TTLL13: variants seen among roughly 807,000 people sequenced by gnomAD.
TTLL13 encodes the protein tubulin tyrosine ligase like 13, also known as tubulin polyglutamylase TTLL13.
chr15:90,257,723 G>A, the TTLL13 span: 1 of 1,613,768 alleles, frequency 6.2e-7, no homozygotes, highest in Non-Finnish European at 8.5e-7. Context: ...GCAGTAAGAG[G>A]TACTCCCTAC....
the TTLL13 span, chr15:90,250,722 A>G: frequency 6.2e-7 from 1 of 1,614,052 alleles, no homozygotes; most frequent in Non-Finnish European, 8.5e-7. Context: ...GGAGTTACCA[A>G]CCCCTCTAAC....
the TTLL13 span, chr15:90,250,954 A>G: frequency 1.3e-6 from 2 of 1,554,240 alleles, no homozygotes; most frequent in Non-Finnish European, 1.7e-6. Flanking sequence ...TCCCTTCAAC[A>G]TCTGGAGGAG....
the TTLL13 span, chr15:90,262,190 A>G: frequency 1.3e-6 from 2 of 1,529,772 alleles, no homozygotes; most frequent in Non-Finnish European, 1.7e-6. Flanking sequence ...GGAGTGTGCC[A>G]GGTACTTTGA....
chr15:90,264,848 T>G, the TTLL13 span: 1 of 1,536,036 alleles, frequency 6.5e-7, no homozygotes, highest in Non-Finnish European at 8.7e-7. Flanking sequence ...ATGGACTGAA[T>G]GCACCTTGCC....
At chr15:90,257,278 C>A in the TTLL13 span, 1 of 1,611,102 alleles carries the variant, frequency 6.2e-7, no homozygotes, top group Non-Finnish European at 8.5e-7. Context: ...GCCATAACAA[C>A]CTGGTAAGGG....
At chr15:90,260,207 T>C in the TTLL13 span, among the ~76,000 whole-genome samples, 9 of 152,236 alleles carry the variant, frequency 5.9e-5, no homozygotes, top group East Asian at 1.7e-3. Flanking sequence ...CATTTAAAAA[T>C]ATTGTTGTGG....
At chr15:90,265,471 A>T in the TTLL13 span, 1 of 1,371,188 alleles carries the variant, frequency 7.3e-7, no homozygotes, top group Non-Finnish European at 9.4e-7. Flanking sequence ...AAGTTTATGC[A>T]GTTTTCCAGG....
the TTLL13 span, among the ~76,000 whole-genome samples, chr15:90,255,193 G>A: frequency 6.6e-6 from 1 of 152,160 alleles, no homozygotes; most frequent in Non-Finnish European, 1.5e-5. Context: ...AGTGTCTGGT[G>A]GGTACATCCT....
the TTLL13 span, among the ~76,000 whole-genome samples, chr15:90,251,114 C>CTTTTTTTTTTTTTTT: frequency 9.1e-4 from 95 of 104,660 alleles, 5 homozygotes; most frequent in African/African-American, 1.1e-3. Context: ...CCTGGTCTGT[C>CTTTTTTTTTTTTTTT]TTTTTTTTTT....
the TTLL13 span, chr15:90,253,265 A>C: frequency 1.9e-6 from 3 of 1,613,828 alleles, no homozygotes; most frequent in African/African-American, 1.3e-5. Context: ...GGGCAGCCCA[A>C]ATGTGTGGCC....
the TTLL13 span, among the ~76,000 whole-genome samples, chr15:90,250,179 C>T: frequency 0.016 from 2,397 of 152,062 alleles, 29 homozygotes; most frequent in Non-Finnish European, 0.023. Flanking sequence ...GGCTGCTCTC[C>T]AACTCCAGAC....
chr15:90,257,775 C>G, the TTLL13 span: 1 of 1,562,210 alleles, frequency 6.4e-7, no homozygotes, highest in South Asian at 1.1e-5. Context: ...CCCCACAGTC[C>G]CAGTAGCCCA....
the TTLL13 span, chr15:90,250,703 G>T: frequency 6.2e-6 from 10 of 1,614,176 alleles, no homozygotes; most frequent in Middle Eastern, 1.6e-4. Flanking sequence ...TGAGAAGTGT[G>T]TTAAAGAGGG....
At chr15:90,250,699 G>A in the TTLL13 span, 3 of 1,614,160 alleles carry the variant, frequency 1.9e-6, no homozygotes, top group Non-Finnish European at 2.5e-6. Flanking sequence ...AATCTGAGAA[G>A]TGTGTTAAAG....
chr15:90,256,144 T>G, the TTLL13 span: 1 of 1,614,168 alleles, frequency 6.2e-7, no homozygotes, highest in East Asian at 2.2e-5. Context: ...CACATAGCTA[T>G]GGGGACTTCC....
At chr15:90,262,419 AT>A in the TTLL13 span, 1 of 1,394,646 alleles carries the variant, frequency 7.2e-7, no homozygotes, top group Non-Finnish European at 9.4e-7. Context: ...CTCTTTCCTC[AT>A]CCCCATTTTT....
the TTLL13 span, chr15:90,261,902 G>T: frequency 1.0e-6 from 1 of 994,366 alleles, no homozygotes; most frequent in Non-Finnish European, 1.4e-6. Flanking sequence ...GGCCCAGGAG[G>T]TCAAGAAGCC....
chr15:90,261,882 C>A, the TTLL13 span: 1 of 751,830 alleles, frequency 1.3e-6, no homozygotes, highest in Non-Finnish European at 2.0e-6. Flanking sequence ...GCTTTCCCTA[C>A]TTGGGCAGGG....
At chr15:90,255,920 G>A in the TTLL13 span, 2 of 1,613,634 alleles carry the variant, frequency 1.2e-6, no homozygotes, top group Non-Finnish European at 1.7e-6. Flanking sequence ...TGAGATACCA[G>A]GGGGAGGAAA....
Sources: gnomAD v4.1 joint callset for allele counts (sites outside exome capture counted in the v4.1 genomes callset) on GRCh38, gnomAD v4.1.1 for gene constraint, MANE v1.5 for transcripts, NCBI Gene and HGNC (gene_info 2026-07-23, HGNC 2026-07-21) for gene names.